The following TACC2 variants were observed in gnomAD, a reference collection of about 807,000 sequenced individuals.
TACC2 encodes the protein transforming acidic coiled-coil containing protein 2.
A neutral mutation model predicts 227.3 loss-of-function variants in TACC2; 137 were observed. The ratio of observed to expected loss-of-function variants is 0.60; its 90% CI spans 0.52 to 0.69. The LOEUF (loss-of-function observed/expected upper bound fraction) is 0.69. TACC2 is among the 30% of genes least tolerant of loss of function. The probability of loss-of-function intolerance (pLI) is 0.00; values close to 1 mark genes in which losing one functional copy is unlikely to be tolerated. For synonymous variants in TACC2, 1,523 were observed against 1,487.5 expected, an observed-to-expected ratio of 1.02 and a Z score of -0.55; for missense variants, 3,470 against 3,694.4, an observed-to-expected ratio of 0.94 and a Z score of 1.57.
At chr10:122,096,446 C>T (rs1268688339) in intron 5 of TACC2, among the ~76,000 whole-genome samples, 1 of 152,190 alleles carries the variant, frequency 6.6e-6, no homozygotes, top group Non-Finnish European at 1.5e-5. Flanking sequence ...CCTATAATCC[C>T]AGCACTTTGG....
intron 6 of TACC2, among the ~76,000 whole-genome samples, chr10:122,143,249 C>T (rs1351315832): frequency 6.6e-6 from 1 of 152,168 alleles, no homozygotes; most frequent in East Asian, 1.9e-4. Context: ...AAAAAATCCT[C>T]TCCTCTAAAC....
chr10:122,136,306 C>T (rs545156413), intron 6 of TACC2, among the ~76,000 whole-genome samples: 4 of 152,084 alleles, frequency 2.6e-5, no homozygotes, highest in South Asian at 2.1e-4. Flanking sequence ...TGTGCAGTGG[C>T]GATTTAAGCG....
chr10:122,187,485 T>C (rs1264504057), intron 7 of TACC2, among the ~76,000 whole-genome samples: 2 of 152,046 alleles, frequency 1.3e-5, no homozygotes, highest in Non-Finnish European at 2.9e-5. Context: ...CCAAATTTCT[T>C]TTCTTTCTTT....
chr10:122,088,641 A>G, intron 5 of TACC2, 50 bp downstream of exon 5: 2 of 1,587,492 alleles, frequency 1.3e-6, no homozygotes. Flanking sequence ...TTCCTTAGAT[A>G]CAGACACACT....
rs139627182 is a variant in TACC2 at position 122,086,158 on chromosome 10, A to G, written c.3658A>G (p.Lys1220Glu). ...FSTHQAVPDP[K>E]ELLLSGPPEV... ...TACACACCAGGCTGTCCCAGACCCA[A>G]AGGAGCTCCTGCTGTCTGGGCCACC... The change falls in exon 4 of 23, where the codon AAG becomes GAG. Residue 1220 changes from lysine to glutamate, a missense_variant. Physicochemically the swap from Lys to Glu is moderately conservative, Grantham distance 56. This residue lies in a region of TACC2 where 1,924 missense variants were observed against 1,978.3 expected (regional missense o/e 0.97). Coordinates refer to ENST00000369005, the MANE Select transcript of TACC2 (RefSeq NM_206862.4). 7.4e-6 allele frequency: 12 copies of G among 1,613,538 alleles called. No homozygotes were observed. The Admixed American group carries it at 1.3e-4, about 18-fold the overall frequency.
intron 3 of TACC2, among the ~76,000 whole-genome samples, chr10:122,066,770 G>A (rs1463727756): frequency 6.6e-6 from 1 of 152,058 alleles, no homozygotes; most frequent in Non-Finnish European, 1.5e-5. Context: ...TAATATGGTT[G>A]GTTTAAATCT....
intron 1 of TACC2, among the ~76,000 whole-genome samples, chr10:122,002,923 C>T (rs77870377): frequency 6.6e-6 from 1 of 152,020 alleles, no homozygotes; most frequent in East Asian, 1.9e-4. Flanking sequence ...AGGCTTTTGT[C>T]TGGGCATGGT....
At position 122,253,972 on chromosome 10, in the gene TACC2, TC is replaced by T; in HGVS notation, c.8782-17del. 1 of 1,612,386 alleles carries T rather than the reference TC, an allele frequency of 6.2e-7. No homozygotes were observed. Among genetic ancestry groups the T allele is most frequent in the Non-Finnish European group, 8.5e-7 (1 of 1,178,436 alleles). On this transcript the variant is annotated intron_variant, in intron 22 of 22. Coordinates refer to ENST00000369005, the MANE Select transcript of TACC2 (RefSeq NM_206862.4). ...CAGATTTCAAACATCAGCAACTTCT[TC>T]CTTGTCTTCACTTGCAGAATAAAGA...
Position 122,132,820 on chromosome 10 carries a change from C to T in TACC2, c.5699+86C>T, listed in dbSNP as rs570295153. 20 of 1,421,002 alleles carry T rather than the reference C, an allele frequency of 1.4e-5. No individual in the cohort carries two copies. In the South Asian group the frequency reaches 2.5e-4, roughly 18 times the overall value. The allele number at this position is 1,421,002 out of a possible 1,614,324, so 88.0% of individuals were successfully genotyped here. On this transcript the variant is annotated intron_variant, in intron 6 of 22. Coordinates refer to ENST00000369005, the MANE Select transcript of TACC2 (RefSeq NM_206862.4). The stretch of plus-strand genomic sequence containing the variant: ...TCCCCCGCTCCCCTCCCTTCCCCTC[C>T]CCTCCTCTCTTTTCTCCTGCAGTTT...
chr10:122,030,914 G>A (rs1958861965), intron 2 of TACC2, among the ~76,000 whole-genome samples: 1 of 151,970 alleles, frequency 6.6e-6, no homozygotes, highest in African/African-American at 2.4e-5. Context: ...CCCAAACTCA[G>A]CTTCTGCCTC....
At position 122,226,056 on chromosome 10, in the gene TACC2, A is replaced by G. The variant is rs532667298; in HGVS notation, c.7609-310A>G. The stretch of plus-strand genomic sequence containing the variant: ...CAGTGGCCAGCACAGCTCCTGGCCC[A>G]GAGAGCGTGCTCAGTAAATGTTGGT... On this transcript the variant is annotated intron_variant, in intron 12 of 22. Transcript: ENST00000369005. 5.3e-5 allele frequency among the ~76,000 whole-genome samples: 8 copies of G among 152,334 alleles called. No homozygotes were observed. The South Asian group carries it at 1.7e-3, about 32-fold the overall frequency.
chr10:122,245,915 T>C (rs1163758807), intron 19 of TACC2, among the ~76,000 whole-genome samples: 1 of 152,094 alleles, frequency 6.6e-6, no homozygotes, highest in Non-Finnish European at 1.5e-5. Context: ...AGTGTCAGAG[T>C]GAGAGCTCGA....
chr10:122,092,838 A>G (rs532114742), intron 5 of TACC2, among the ~76,000 whole-genome samples: 27 of 152,342 alleles, frequency 1.8e-4, no homozygotes, highest in Admixed American at 7.2e-4. Context: ...TGTACATTGT[A>G]TGATCCTCCC....
intron 3 of TACC2, among the ~76,000 whole-genome samples, chr10:122,060,996 A>C: frequency 3.1e-5 from 1 of 32,208 alleles, no homozygotes; most frequent in Non-Finnish European, 7.6e-5. Context: ...CAGAGACTCC[A>C]TCTCAAAAAA....
chr10:122,182,892 G>T (rs970261872), intron 7 of TACC2, among the ~76,000 whole-genome samples: 4 of 152,126 alleles, frequency 2.6e-5, no homozygotes, highest in African/African-American at 9.7e-5. Context: ...AGATACATTC[G>T]ATGTAAACAG....
At chr10:122,069,284 C>G (rs1294027725) in intron 3 of TACC2, among the ~76,000 whole-genome samples, 1 of 152,048 alleles carries the variant, frequency 6.6e-6, no homozygotes, top group Non-Finnish European at 1.5e-5. Flanking sequence ...CTCTGTCGCC[C>G]AGCCTGGAGT....
At chr10:122,041,530 T>G (rs2074268570) in intron 2 of TACC2, among the ~76,000 whole-genome samples, 2 of 149,066 alleles carry the variant, frequency 1.3e-5, no homozygotes, top group African/African-American at 4.9e-5. Flanking sequence ...CACTACAATC[T>G]CCGCCTCCTG....
chr10:122,094,487 C>A (rs955773939), intron 5 of TACC2, among the ~76,000 whole-genome samples: 1 of 152,136 alleles, frequency 6.6e-6, no homozygotes, highest in Non-Finnish European at 1.5e-5. Context: ...CTATGTTGTC[C>A]AGGCTGGTCT....
In TACC2 at chr10:122,248,433, G is replaced by A. The variant is rs2096177983; in HGVS notation, c.8393-210G>A. On this transcript the variant is annotated intron_variant, in intron 19 of 22. Coordinates refer to ENST00000369005, the MANE Select transcript of TACC2 (RefSeq NM_206862.4). ...TTTCTACCTCACGCGAGGCTGCACA[G>A]GCCCGGGTCTGGGAAGCCAGGGCTC... 1.2e-5 allele frequency: 7 copies of A among 600,810 alleles called. No individual in the cohort carries two copies. The South Asian group carries it at 1.4e-4, about 12-fold the overall frequency. 37.2% of individuals were successfully genotyped at this position (600,810 alleles called of 1,614,324 possible). A position where few individuals can be genotyped will look rare whatever the true frequency, so the allele number is the denominator to read the frequency against.
Sources: allele counts gnomAD v4.1 joint callset (sites outside exome capture counted in the v4.1 genomes callset), GRCh38; gene constraint gnomAD v4.1.1; regional missense constraint gnomAD v4.1.1; transcripts MANE v1.5; gene names NCBI Gene and HGNC (gene_info 2026-07-23, HGNC 2026-07-21).